CDH17: variants seen among roughly 807,000 people sequenced by gnomAD.
The protein encoded by CDH17 is cadherin 17, also known as cadherin-17.
CDH17 carries 67 observed loss-of-function variants against 86.3 expected under a neutral mutation model. The observed-to-expected ratio is 0.78, with a 90% confidence interval of 0.64 to 0.95. The LOEUF (loss-of-function observed/expected upper bound fraction) is 0.95. CDH17 is among the 40% of genes least tolerant of loss of function. CDH17 has a pLI of 0.00. For missense variants in CDH17, 993 were observed against 1,017.6 expected (o/e 0.98, Z 0.33); for synonymous variants, 367 against 366.4 (o/e 1.00, Z -0.02).
At chr8:94,164,148 T>TC (rs1312049926) in intron 10 of CDH17, among the ~76,000 whole-genome samples, 1 of 152,214 alleles carries the variant, frequency 6.6e-6, no homozygotes, top group Non-Finnish European at 1.5e-5. Flanking sequence ...CTCATGTATT[T>TC]CCACATGGAT....
chr8:94,185,699 TA>T (rs138513390), intron 3 of CDH17, among the ~76,000 whole-genome samples: 15 of 151,820 alleles, frequency 9.9e-5, no homozygotes, highest in African/African-American at 2.7e-4. Flanking sequence ...AGCTTGTAAT[TA>T]AAAAAAAACT....
chr8:94,171,489 C>G (rs2514810), intron 7 of CDH17, among the ~76,000 whole-genome samples: 116,800 of 152,082 alleles, frequency 0.77, 46,006 homozygotes, highest in African/African-American at 0.9. Flanking sequence ...TATTTAGCCT[C>G]AGAGACTTCA....
intron 3 of CDH17, among the ~76,000 whole-genome samples, chr8:94,187,439 G>A (rs1207394940): frequency 6.6e-6 from 1 of 152,136 alleles, no homozygotes; most frequent in Admixed American, 6.5e-5. Flanking sequence ...AGAGCAGCTG[G>A]TATATATAGT....
chr8:94,134,842 A>G (rs1812490958), intron 15 of CDH17, among the ~76,000 whole-genome samples: 1 of 152,294 alleles, frequency 6.6e-6, no homozygotes, highest in East Asian at 1.9e-4. Flanking sequence ...TGTGTCCCAG[A>G]GATTCTGGTA....
At chr8:94,166,463 A>T (rs1813159558) in intron 9 of CDH17, among the ~76,000 whole-genome samples, 1 of 152,194 alleles carries the variant, frequency 6.6e-6, no homozygotes, top group South Asian at 2.1e-4. Flanking sequence ...TCACATTCCG[A>T]GGTACTAGGG....
chr8:94,130,388 T>A (rs1405308842), intron 17 of CDH17, among the ~76,000 whole-genome samples: 1 of 152,206 alleles, frequency 6.6e-6, no homozygotes, highest in Non-Finnish European at 1.5e-5. Flanking sequence ...TGACAATTGA[T>A]GACCATAAAG....
At chr8:94,177,826 C>T in intron 3 of CDH17, 105 bp from the exon 4 acceptor site, 2 of 1,062,234 alleles carry the variant, frequency 1.9e-6, no homozygotes, top group Admixed American at 4.7e-5. Flanking sequence ...GGTTCAATTA[C>T]TAAATAAGAA....
intron 7 of CDH17, among the ~76,000 whole-genome samples, chr8:94,172,982 A>G (rs1813297898): frequency 6.6e-6 from 1 of 152,178 alleles, no homozygotes; most frequent in Admixed American, 6.5e-5. Flanking sequence ...CTATTGGGTC[A>G]AGATTTTTTC....
intron 7 of CDH17, among the ~76,000 whole-genome samples, chr8:94,171,919 T>C (rs1339368030): frequency 6.6e-6 from 1 of 151,870 alleles, no homozygotes; most frequent in Non-Finnish European, 1.5e-5. Flanking sequence ...GGTTCTAAAG[T>C]GGGCTCCTCT....
intron 11 of CDH17, among the ~76,000 whole-genome samples, chr8:94,161,825 T>G (rs1160572009): frequency 1.3e-5 from 2 of 152,206 alleles, no homozygotes; most frequent in African/African-American, 2.4e-5. Context: ...AGATTGTGGT[T>G]GTTGTTTTTA....
chr8:94,183,415 C>T (rs1395486793), intron 3 of CDH17, among the ~76,000 whole-genome samples: 1 of 151,976 alleles, frequency 6.6e-6, no homozygotes, highest in African/African-American at 2.4e-5. Context: ...AGTGGGAGGC[C>T]AGAAACAATT....
chr8:94,199,198 T>C (rs1430881632), intron 1 of CDH17, among the ~76,000 whole-genome samples: 1 of 151,490 alleles, frequency 6.6e-6, no homozygotes, highest in African/African-American at 2.4e-5. Flanking sequence ...CCCTTGCATA[T>C]ATCAAGCCAT....
chr8:94,170,451 G>A lies in CDH17; in HGVS notation c.1012C>T (p.Pro338Ser), dbSNP rs758305261. The A allele has an allele frequency of 6.2e-7, 1 of 1,613,738 alleles. No homozygotes were observed. Among genetic ancestry groups the A allele is most frequent in the African/African-American group, 1.3e-5 (1 of 74,886 alleles). Residue 338 changes from proline to serine, a missense_variant, in exon 9 of 18, where the codon CCT (proline) becomes TCT (serine). Physicochemically the swap from Pro to Ser is moderately conservative, Grantham distance 74. Transcript: ENST00000027335. ...ACGGTTACTGGTGACGGACATGTAG[G>A]TGGATTATCATTAATATCTTTAACT... The part of the protein sequence containing the change: ...VKVKDINDNP[P>S]TCPSPVTVFE...
intron 15 of CDH17, among the ~76,000 whole-genome samples, chr8:94,145,616 ATCTC>A (rs1157491558): frequency 6.6e-6 from 1 of 152,150 alleles, no homozygotes; most frequent in East Asian, 1.9e-4. Context: ...ATATATATCT[ATCTC>A]AAAGTTTTAA....
chr8:94,188,184 A>T (rs1586271873), intron 3 of CDH17, among the ~76,000 whole-genome samples: 1 of 152,188 alleles, frequency 6.6e-6, no homozygotes, highest in Non-Finnish European at 1.5e-5. Flanking sequence ...ACCTACTCGC[A>T]TTCTCCCATA....
chr8:94,171,985 C>CCCTCCCCCT (rs1401586784), intron 7 of CDH17, among the ~76,000 whole-genome samples: 1 of 23,454 alleles, frequency 4.3e-5, no homozygotes, highest in Admixed American at 3.8e-4. Flanking sequence ...CCCCCCTCCC[C>CCCTCCCCCT]CCTCCCCCTC....
chr8:94,162,242 G>A (rs1813068181), intron 10 of CDH17, 80 bp from the exon 11 acceptor site: 5 of 933,782 alleles, frequency 5.4e-6, no homozygotes, highest in South Asian at 4.1e-5. Flanking sequence ...GAAAATACTT[G>A]GCAAGTGAAG....
At position 94,128,407 on chromosome 8, in the gene CDH17, A is replaced by T. The variant is rs374767900; in HGVS notation, c.2399-67T>A. On this transcript the variant is annotated intron_variant, in intron 17 of 17. Transcript: ENST00000027335. ...AAATGTACTGTCACATTCAGTTATA[A>T]AGTAGTATTGTGGTAGGAAAAAAAT... The T allele has an allele frequency of 2.0e-5, 20 of 994,220 alleles. No homozygotes were observed. In the African/African-American group the frequency reaches 2.9e-4, roughly 14 times the overall value. 61.6% of individuals were successfully genotyped at this position (994,220 alleles called of 1,614,324 possible).
intron 6 of CDH17, 22 bp from the exon 7 acceptor site, chr8:94,174,018 G>A: frequency 6.2e-7 from 1 of 1,610,762 alleles, no homozygotes; most frequent in Non-Finnish European, 8.5e-7. Flanking sequence ...AGGGGAGAAG[G>A]GAATAGGAAG....
Sources: allele counts gnomAD v4.1 joint callset (sites outside exome capture counted in the v4.1 genomes callset), GRCh38; gene constraint gnomAD v4.1.1; transcripts MANE v1.5; gene names NCBI Gene and HGNC (gene_info 2026-07-23, HGNC 2026-07-21).